The following SDHAF3 variants were observed in gnomAD, a reference collection of about 807,000 sequenced individuals.
SDHAF3 encodes the protein succinate dehydrogenase complex assembly factor 3.
Under a neutral mutation model 11.5 loss-of-function variants are expected in SDHAF3, and 18 were observed. That is an observed-to-expected ratio of 1.56 (90% confidence interval 1.08 to 2.32). The LOEUF (loss-of-function observed/expected upper bound fraction) is 2.32, where lower values mean the gene tolerates loss of function less well. Among genes scored for constraint, SDHAF3 ranks in the 30% most tolerant of loss-of-function variants. The pLI, the probability that SDHAF3 is intolerant of heterozygous loss-of-function variation, is 0.00. For missense variants in SDHAF3, 200 were observed against 154.4 expected, an observed-to-expected ratio of 1.30 and a Z score of -1.57; for synonymous variants, 72 against 59.3, an observed-to-expected ratio of 1.21 and a Z score of -0.99.
chr7:97,143,279 T>A lies in SDHAF3; in HGVS notation c.174+25382T>A, dbSNP rs1789084034. On this transcript the variant is annotated intron_variant, in intron 1 of 1. Coordinates refer to ENST00000432641, the MANE Select transcript of SDHAF3 (RefSeq NM_020186.3). ...AATATTAGAGACTGCTAGGGTAAGC[T>A]AATACCCTAGTCTGATACATTAATT... Among the ~76,000 whole-genome samples, 5 of 152,184 alleles carry A rather than the reference T, an allele frequency of 3.3e-5. No homozygotes were observed. In the South Asian group the frequency reaches 1.0e-3, roughly 31 times the overall value.
At chr7:97,173,432 C>G (rs1212029394) in intron 1 of SDHAF3, among the ~76,000 whole-genome samples, 1 of 152,060 alleles carries the variant, frequency 6.6e-6, no homozygotes, top group African/African-American at 2.4e-5. Context: ...TGTACCCCCA[C>G]TTATTTCTCT....
At position 97,117,727 on chromosome 7, in the gene SDHAF3, C is replaced by T. The variant is rs753447011; in HGVS notation, c.4C>T (p.Pro2Ser). 13 of 1,611,650 alleles carry T rather than the reference C, an allele frequency of 8.1e-6. No homozygotes were observed. In the Middle Eastern group the frequency reaches 6.6e-4, roughly 82 times the overall value. The change falls in exon 1 of 2, where the codon CCG becomes TCG. Residue 2 changes from proline (P) to serine (S), a missense_variant. By Grantham distance (74) the Pro-to-Ser change is moderately conservative (BLOSUM62 -1). Transcript: ENST00000432641. ...TCGGCGGTCGGCGTGGGGCGCTATG[C>T]CGGGGCGGCACGTTTCTCGAGTCCG... M[P>S]GRHVSRVRAL... is the part of the protein sequence containing the mutation.
intron 1 of SDHAF3, among the ~76,000 whole-genome samples, chr7:97,143,506 T>TAGC (rs1414205941): frequency 3.9e-5 from 6 of 152,172 alleles, no homozygotes; most frequent in Non-Finnish European, 1.5e-5. Flanking sequence ...TCTTATAGCC[T>TAGC]TTGCATCCTC....
chr7:97,153,956 A>G (rs1450023669), intron 1 of SDHAF3, among the ~76,000 whole-genome samples: 2 of 152,206 alleles, frequency 1.3e-5, no homozygotes, highest in African/African-American at 4.8e-5. Context: ...GAGACCACCA[A>G]ACAGGCTTTG....
chr7:97,131,263 T>C (rs1042930720), intron 1 of SDHAF3, among the ~76,000 whole-genome samples: 1 of 152,240 alleles, frequency 6.6e-6, no homozygotes, highest in Admixed American at 6.5e-5. Context: ...TTTATATTTT[T>C]CCTGAGGGAA....
At chr7:97,117,980 G>A (rs925942496) in intron 1 of SDHAF3, 83 bp downstream of exon 1, 2 of 1,511,022 alleles carry the variant, frequency 1.3e-6, no homozygotes, top group Non-Finnish European at 1.8e-6. Context: ...CCCATGCGGG[G>A]TTAAACAGAG....
At position 97,163,288 on chromosome 7, in the gene SDHAF3, C is replaced by G. The variant is rs889050783; in HGVS notation, c.175-17724C>G. Among the ~76,000 whole-genome samples, 7 of 151,706 alleles carry G rather than the reference C, an allele frequency of 4.6e-5. No homozygotes were observed. In the East Asian group the frequency reaches 1.4e-3, roughly 30 times the overall value. Reference sequence around the variant, plus strand: ...TCCCAAGTAGCTGGGATTACAGGCACCCGCCACCATGCCCAGCTAATTTTT... The same window carrying G: ...TCCCAAGTAGCTGGGATTACAGGCAGCCGCCACCATGCCCAGCTAATTTTT... On this transcript the variant is annotated intron_variant, in intron 1 of 1. Transcript: ENST00000432641.
chr7:97,151,272 AGACTC>A (rs1789215446), intron 1 of SDHAF3, among the ~76,000 whole-genome samples: 1 of 152,026 alleles, frequency 6.6e-6, no homozygotes, highest in Non-Finnish European at 1.5e-5. Flanking sequence ...ACAAAATAAA[AGACTC>A]AGAAAGGCCA....
chr7:97,172,698 C>G (rs1789619931), intron 1 of SDHAF3, among the ~76,000 whole-genome samples: 1 of 152,096 alleles, frequency 6.6e-6, no homozygotes, highest in Non-Finnish European at 1.5e-5. Context: ...GGTTCACCAG[C>G]TATGTGCTAA....
At chr7:97,128,878 T>C (rs878954462) in intron 1 of SDHAF3, among the ~76,000 whole-genome samples, 1 of 152,118 alleles carries the variant, frequency 6.6e-6, no homozygotes, top group South Asian at 2.1e-4. Flanking sequence ...GGTGCACTTT[T>C]TTTTTCCTTT....
intron 1 of SDHAF3, among the ~76,000 whole-genome samples, chr7:97,153,206 T>C (rs1789252280): frequency 6.6e-6 from 1 of 152,228 alleles, no homozygotes; most frequent in Admixed American, 6.5e-5. Flanking sequence ...ATTTTCTCAC[T>C]TGTAATTTTT....
At chr7:97,134,863 T>C (rs1341725766) in intron 1 of SDHAF3, among the ~76,000 whole-genome samples, 2 of 152,200 alleles carry the variant, frequency 1.3e-5, no homozygotes, top group East Asian at 1.9e-4. Flanking sequence ...CAGAACACTT[T>C]TAGAGAAACT....
intron 1 of SDHAF3, among the ~76,000 whole-genome samples, chr7:97,168,761 A>AT (rs1158640891): frequency 6.6e-6 from 1 of 152,084 alleles, no homozygotes; most frequent in Non-Finnish European, 1.5e-5. Flanking sequence ...TGCCTTTTAC[A>AT]TTTTTTATTA....
At chr7:97,124,306 T>C (rs1461650514) in intron 1 of SDHAF3, among the ~76,000 whole-genome samples, 1 of 152,182 alleles carries the variant, frequency 6.6e-6, no homozygotes, top group Non-Finnish European at 1.5e-5. Flanking sequence ...TGGTTGCAGA[T>C]GTGTGGTGTT....
chr7:97,167,054 TTTTC>T (rs1320955655), intron 1 of SDHAF3, among the ~76,000 whole-genome samples: 1 of 151,652 alleles, frequency 6.6e-6, no homozygotes, highest in Admixed American at 6.6e-5. Context: ...ATTTTTTTTT[TTTTC>T]TTTTCATGCC....
intron 1 of SDHAF3, among the ~76,000 whole-genome samples, chr7:97,140,250 G>A (rs1245894364): frequency 6.6e-6 from 1 of 151,684 alleles, no homozygotes; most frequent in Admixed American, 6.6e-5. Context: ...CCTTCATATG[G>A]TGCTGTCAAT....
In SDHAF3 at chr7:97,117,883, T is replaced by C. The variant is rs1173977552; in HGVS notation, c.160T>C (p.Leu54=). 1.2e-6 allele frequency: 2 copies of C among 1,614,116 alleles called. No individual in the cohort carries two copies. Among genetic ancestry groups the C allele is most frequent in the Admixed American group, 1.7e-5 (1 of 60,024 alleles). Residue 54 remains leucine (L), a synonymous_variant, in exon 1 of 2, where the codon TTG becomes CTG. Coordinates refer to ENST00000432641, the MANE Select transcript of SDHAF3 (RefSeq NM_020186.3). Reference sequence around the variant, plus strand: ...TGGTTCTGACGAGGCACAGCGTTTCTTGCAAGAATGGGAGGCAAGTGACGC... The same window carrying C: ...TGGTTCTGACGAGGCACAGCGTTTCCTGCAAGAATGGGAGGCAAGTGACGC... ...TVGSDEAQRF[L]QEWEVYATAL...
intron 1 of SDHAF3, among the ~76,000 whole-genome samples, chr7:97,134,447 A>T (rs1344765503): frequency 2.6e-5 from 4 of 152,192 alleles, no homozygotes; most frequent in Non-Finnish European, 4.4e-5. Context: ...GCACAGAGTG[A>T]AAAGAACTTT....
At chr7:97,133,754 GTTC>G (rs1468876949) in intron 1 of SDHAF3, among the ~76,000 whole-genome samples, 5 of 152,138 alleles carry the variant, frequency 3.3e-5, no homozygotes, top group African/African-American at 1.2e-4. Flanking sequence ...ACAAGTTTGT[GTTC>G]TTCTTTACTC....
Sources: gnomAD v4.1 joint callset for allele counts (sites outside exome capture counted in the v4.1 genomes callset) on GRCh38, gnomAD v4.1.1 for gene constraint, MANE v1.5 for transcripts, NCBI Gene and HGNC (gene_info 2026-07-23, HGNC 2026-07-21) for gene names.